The following SPTSSB variants were observed in gnomAD, a reference collection of about 807,000 sequenced individuals.
SPTSSB encodes androgen down regulated in mouse prostate.
Under a neutral mutation model 7.7 loss-of-function variants are expected in SPTSSB, and 6 were observed. That is an observed-to-expected ratio of 0.78 (90% CI 0.43 to 1.54). The LOEUF is 1.54. SPTSSB is among the 40% of genes most tolerant of loss of function. The pLI is 0.01. For missense variants in SPTSSB, 91 were observed against 93.0 expected, an observed-to-expected ratio of 0.98 and a Z score of 0.09; for synonymous variants, 28 against 29.7, an observed-to-expected ratio of 0.94 and a Z score of 0.19.
intron 2 of SPTSSB, among the ~76,000 whole-genome samples, chr3:161,357,198 T>C (rs1213660968): frequency 1.3e-5 from 2 of 152,314 alleles, no homozygotes; most frequent in African/African-American, 4.8e-5. Context: ...AAGTTTATAG[T>C]CAAATTCATG....
intron 1 of SPTSSB, among the ~76,000 whole-genome samples, chr3:161,369,352 C>CTTTCTTTTTT (rs71149709): frequency 2.0e-5 from 1 of 50,764 alleles, no homozygotes; most frequent in African/African-American, 7.7e-5. Flanking sequence ...TTCTTTCTTT[C>CTTTCTTTTTT]TCTTTCTTTC....
intron 2 of SPTSSB, among the ~76,000 whole-genome samples, chr3:161,350,531 T>C (rs550150348): frequency 1.8e-4 from 28 of 152,136 alleles, no homozygotes; most frequent in South Asian, 4.1e-4. Context: ...TCATTTTTTT[T>C]TTGTGCTTCA....
chr3:161,351,476 G>T (rs553117751), intron 2 of SPTSSB, among the ~76,000 whole-genome samples: 11 of 152,234 alleles, frequency 7.2e-5, no homozygotes, highest in Admixed American at 7.2e-4. Context: ...CAATAACTAT[G>T]TACATAGATG....
intron 2 of SPTSSB, among the ~76,000 whole-genome samples, chr3:161,353,897 C>A (rs1322309591): frequency 2.0e-5 from 3 of 152,034 alleles, no homozygotes; most frequent in Non-Finnish European, 4.4e-5. Context: ...TTAGAATACT[C>A]CCCAGCCTTC....
At chr3:161,369,338 TTCTTTCTTTCTTTCTC>T (rs1715387698) in intron 1 of SPTSSB, among the ~76,000 whole-genome samples, 1 of 102,206 alleles carries the variant, frequency 9.8e-6, no homozygotes, top group Non-Finnish European at 1.9e-5. Context: ...CTTTCTTTCT[TTCTTTCTTTCTTTCTC>T]TTTCTTTCTC....
chr3:161,370,915 T>A (rs938459519), intron 1 of SPTSSB, among the ~76,000 whole-genome samples: 2 of 152,240 alleles, frequency 1.3e-5, no homozygotes, highest in Admixed American at 1.3e-4. Flanking sequence ...GACTTAAGTA[T>A]CTTTGAGAAA....
At position 161,345,886 on chromosome 3, in the gene SPTSSB, C is replaced by T. The variant is rs1714197814; in HGVS notation, c.*207G>A. 2.3e-6 allele frequency: 1 copy of T among 440,908 alleles called. No individual in the cohort carries two copies. Among genetic ancestry groups the T allele is most frequent in the South Asian group, 3.0e-5 (1 of 33,092 alleles). The allele number at this position is 440,908 out of a possible 1,614,324, so 27.3% of individuals were successfully genotyped here. ...GTGAGGTAAAGTCACTGTATTATCT[C>T]CGGTCTAAAGCACAATGTAGCATGT... On this transcript the variant is annotated 3_prime_UTR_variant, in exon 3 of 3. Transcript: ENST00000620149.
chr3:161,347,469 C>G (rs929382200), intron 2 of SPTSSB, among the ~76,000 whole-genome samples: 1 of 149,214 alleles, frequency 6.7e-6, no homozygotes, highest in Non-Finnish European at 1.5e-5. Flanking sequence ...ACCATGTTGG[C>G]CAGGCTGGTC....
At chr3:161,365,463 G>T (rs768391935) in intron 1 of SPTSSB, among the ~76,000 whole-genome samples, 15 of 152,340 alleles carry the variant, frequency 9.8e-5, no homozygotes, top group Non-Finnish European at 1.9e-4. Flanking sequence ...GAGGTGTCAG[G>T]TCGGCAAATC....
chr3:161,366,205 A>G (rs761485555), intron 1 of SPTSSB, among the ~76,000 whole-genome samples: 14 of 152,218 alleles, frequency 9.2e-5, no homozygotes, highest in Non-Finnish European at 1.6e-4. Context: ...CTGGAAGACT[A>G]CAAGAATCCA....
At chr3:161,357,264 C>T (rs1026642985) in intron 2 of SPTSSB, among the ~76,000 whole-genome samples, 2 of 152,174 alleles carry the variant, frequency 1.3e-5, no homozygotes, top group African/African-American at 4.8e-5. Context: ...ATTTTATAAT[C>T]TTATACTTAG....
chr3:161,356,847 A>G (rs140885146), intron 2 of SPTSSB, among the ~76,000 whole-genome samples: 269 of 152,144 alleles, frequency 1.8e-3, no homozygotes, highest in Non-Finnish European at 3.2e-3. Flanking sequence ...AAAAGAGTGG[A>G]GGCTGGGCGT....
chr3:161,357,892 CTT>C (rs1353310383), intron 2 of SPTSSB, among the ~76,000 whole-genome samples: 27 of 152,126 alleles, frequency 1.8e-4, no homozygotes, highest in African/African-American at 5.8e-4. Flanking sequence ...GACTTCTAGC[CTT>C]TGGGAGTATC....
intron 1 of SPTSSB, among the ~76,000 whole-genome samples, chr3:161,364,539 A>G (rs1310486255): frequency 6.6e-6 from 1 of 152,142 alleles, no homozygotes; most frequent in East Asian, 1.9e-4. Flanking sequence ...ACTCCATATG[A>G]GGAGGCACTA....
intron 2 of SPTSSB, among the ~76,000 whole-genome samples, chr3:161,358,675 C>G (rs577257909): frequency 3.3e-5 from 5 of 152,204 alleles, no homozygotes; most frequent in Non-Finnish European, 7.4e-5. Context: ...TTACTAAATT[C>G]AAAACCAGTT....
Position 161,351,597 on chromosome 3 carries a change from CAGAGAGAGAGAGAGAA to C in SPTSSB, c.-32-5258_-32-5243del, listed in dbSNP as rs1223964942. ...GTGTATACACTCACACATACACACA[CAGAGAGAGAGAGAGAA>C]AGAGAGAGAGAGTCATATAACTGAA... On this transcript the variant is annotated intron_variant, in intron 2 of 2. Transcript: ENST00000620149. Among the ~76,000 whole-genome samples, 3 of 151,042 alleles carry C rather than the reference CAGAGAGAGAGAGAGAA, an allele frequency of 2.0e-5. No individual in the cohort carries two copies. The South Asian group carries it at 6.3e-4, about 31-fold the overall frequency.
At chr3:161,361,365 G>A (rs1165042432) in intron 1 of SPTSSB, among the ~76,000 whole-genome samples, 2 of 152,082 alleles carry the variant, frequency 1.3e-5, no homozygotes, top group South Asian at 4.1e-4. Context: ...TGCATCAGGA[G>A]GCAGGTTTTA....
At chr3:161,347,027 C>A (rs1040443813) in intron 2 of SPTSSB, among the ~76,000 whole-genome samples, 1 of 152,056 alleles carries the variant, frequency 6.6e-6, no homozygotes, top group Non-Finnish European at 1.5e-5. Context: ...GAGGAGGAGG[C>A]TTTAAGTTCA....
At chr3:161,369,346 TTCTTTCTCTTTCTTTCTCTCTCTGTCTC>T (rs1715392871) in intron 1 of SPTSSB, among the ~76,000 whole-genome samples, 1 of 102,434 alleles carries the variant, frequency 9.8e-6, no homozygotes, top group African/African-American at 4.1e-5. Context: ...CTTTCTTTCT[TTCTTTCTCTTTCTTTCTCTCTCTGTCTC>T]TCTTTCTTTC....
Sources: allele counts gnomAD v4.1 joint callset (sites outside exome capture counted in the v4.1 genomes callset), GRCh38; gene constraint gnomAD v4.1.1; transcripts MANE v1.5; gene names NCBI Gene and HGNC (gene_info 2026-07-23, HGNC 2026-07-21).